The following EIF2AK4 variants were observed in gnomAD, a reference collection of about 807,000 sequenced individuals.
EIF2AK4 encodes the protein eukaryotic translation initiation factor 2 alpha kinase 4, also known as eIF-2-alpha kinase GCN2.
EIF2AK4 carries 139 observed loss-of-function variants against 211.1 expected under a neutral mutation model. The ratio of observed to expected loss-of-function variants is 0.66; its 90% CI spans 0.57 to 0.76. The LOEUF is 0.76. EIF2AK4 is among the 30% of genes least tolerant of loss of function. EIF2AK4 has a pLI of 0.00. For synonymous variants in EIF2AK4, 710 were observed against 751.3 expected (o/e 0.94, Z 0.90); for missense variants, 1,664 against 2,043.8 (o/e 0.81, Z 3.58).
In EIF2AK4 at chr15:40,026,045, A is replaced by G. The variant is rs186453605; in HGVS notation, c.4458A>G (p.Val1486=). 12 of 1,614,214 alleles carry G rather than the reference A, an allele frequency of 7.4e-6. No homozygotes were observed. Among genetic ancestry groups the G allele is most frequent in the Non-Finnish European group, 8.5e-7 (1 of 1,180,036 alleles). Residue 1486 remains valine (V), a synonymous_variant, in exon 33 of 39, where the codon GTA becomes GTG. Coordinates refer to ENST00000263791, the MANE Select transcript of EIF2AK4 (RefSeq NM_001013703.4). The part of the protein sequence containing the change: ...RVLETELVDH[V]LQKLRTKVTD... The stretch of plus-strand genomic sequence containing the variant: ...TGGAGACTGAACTTGTGGACCATGT[A>G]CTGCAGAAACTGAGGACTAAAGTCA...
At chr15:39,990,218 G>C (rs2140927236) in intron 15 of EIF2AK4, 55 bp from the exon 16 acceptor site, 1 of 1,543,278 alleles carries the variant, frequency 6.5e-7, no homozygotes, top group East Asian at 2.2e-5. Flanking sequence ...TTAGGAAGTA[G>C]GTATAACTTT....
intron 35 of EIF2AK4, 128 bp from the exon 36 acceptor site, chr15:40,032,041 G>T: frequency 1.2e-6 from 1 of 845,960 alleles, no homozygotes; most frequent in Non-Finnish European, 2.0e-6. Context: ...CAAACCTTTA[G>T]ACACCATTTG....
At chr15:39,999,491 T>C (rs911426127) in intron 20 of EIF2AK4, among the ~76,000 whole-genome samples, 3 of 152,202 alleles carry the variant, frequency 2.0e-5, no homozygotes, top group Admixed American at 6.5e-5. Context: ...AAATCATTAA[T>C]GTTGAGAACA....
intron 27 of EIF2AK4, among the ~76,000 whole-genome samples, chr15:40,012,266 AC>A (rs1461349072): frequency 1.2e-4 from 19 of 152,204 alleles, no homozygotes; most frequent in Admixed American, 1.1e-3. Flanking sequence ...GGGGATATGC[AC>A]AGCATGTATC....
intron 24 of EIF2AK4, among the ~76,000 whole-genome samples, chr15:40,007,281 G>C (rs1010834621): frequency 1.3e-5 from 2 of 152,280 alleles, no homozygotes; most frequent in African/African-American, 4.8e-5. Context: ...GGTAGGTACC[G>C]TCATGTTCCC....
At chr15:40,018,547 C>T (rs1234948933) in intron 29 of EIF2AK4, among the ~76,000 whole-genome samples, 1 of 152,070 alleles carries the variant, frequency 6.6e-6, no homozygotes, top group East Asian at 1.9e-4. Context: ...ATCTCACACT[C>T]CTGGCTGCAA....
intron 24 of EIF2AK4, among the ~76,000 whole-genome samples, chr15:40,007,823 A>T (rs2140937688): frequency 6.6e-6 from 1 of 152,304 alleles, no homozygotes; most frequent in South Asian, 2.1e-4. Context: ...CTTAAGCCCC[A>T]TAGCTTAATA....
At chr15:40,001,295 G>C in intron 21 of EIF2AK4, 71 bp downstream of exon 21, 2 of 1,488,154 alleles carry the variant, frequency 1.3e-6, no homozygotes, top group Non-Finnish European at 1.9e-6. Context: ...GTTTCTCACA[G>C]ATTCTTTTAA....
intron 15 of EIF2AK4, among the ~76,000 whole-genome samples, chr15:39,989,077 C>T (rs1166218892): frequency 1.1e-4 from 16 of 152,158 alleles, no homozygotes; most frequent in Admixed American, 9.8e-4. Context: ...GAATTAGTGC[C>T]ACCCTTCCTA....
chr15:39,942,300 A>G (rs1420676794), intron 2 of EIF2AK4, among the ~76,000 whole-genome samples: 1 of 152,132 alleles, frequency 6.6e-6, no homozygotes, highest in East Asian at 1.9e-4. Flanking sequence ...GAGGAATTCT[A>G]GAAATTTCAG....
chr15:40,020,165 C>CA (rs34522012), intron 30 of EIF2AK4, among the ~76,000 whole-genome samples: 84,051 of 132,076 alleles, frequency 0.64, 25,599 homozygotes, highest in Admixed American at 0.71. Flanking sequence ...CAGACCCTGT[C>CA]AAAAAAAAAA....
chr15:39,985,895 T>C lies in EIF2AK4; in HGVS notation c.2403+7T>C. Reference sequence around the variant, plus strand: ...GCACTACCTATACATCCAGGTGAGGTCGTGGTGTGTAGTTAGGTGACACAG... The same window carrying C: ...GCACTACCTATACATCCAGGTGAGGCCGTGGTGTGTAGTTAGGTGACACAG... On this transcript the variant is annotated splice_region_variant and intron_variant, in intron 14 of 38. Transcript: ENST00000263791. 1 of 1,613,424 alleles carries C rather than the reference T, an allele frequency of 6.2e-7. No individual in the cohort carries two copies. Among genetic ancestry groups the C allele is most frequent in the Non-Finnish European group, 8.5e-7 (1 of 1,179,700 alleles).
chr15:39,997,628 C>T (rs1013449537), intron 19 of EIF2AK4, among the ~76,000 whole-genome samples: 2 of 152,146 alleles, frequency 1.3e-5, no homozygotes, highest in African/African-American at 2.4e-5. Flanking sequence ...GTTGTAGTAA[C>T]GTCTAAAGAA....
chr15:39,937,808 A>C (rs577312542), intron 1 of EIF2AK4, among the ~76,000 whole-genome samples: 1 of 152,326 alleles, frequency 6.6e-6, no homozygotes, highest in East Asian at 1.9e-4. Context: ...AGGCAGCTAG[A>C]CAAATATAGG....
chr15:39,997,178 C>A, intron 19 of EIF2AK4, 113 bp downstream of exon 19: 1 of 757,782 alleles, frequency 1.3e-6, no homozygotes, highest in East Asian at 2.6e-5. Flanking sequence ...AGAGGCTGCC[C>A]TACTGTAATT....
chr15:39,945,002 A>C (rs1232180466), intron 3 of EIF2AK4, among the ~76,000 whole-genome samples: 1 of 152,104 alleles, frequency 6.6e-6, no homozygotes, highest in African/African-American at 2.4e-5. Context: ...TGGATAAAAA[A>C]CTAGGCCTTG....
chr15:39,967,916 C>T (rs2034567983), intron 9 of EIF2AK4, 37 bp downstream of exon 9: 4 of 1,595,854 alleles, frequency 2.5e-6, no homozygotes, highest in African/African-American at 1.3e-5. Context: ...TAGCACTTTA[C>T]TCCTGTACTT....
rs146381747 is a variant in EIF2AK4, at chr15:39,966,188, G to A, written c.1017+345G>A. Among the ~76,000 whole-genome samples, 6 of 152,184 alleles carry A rather than the reference G, an allele frequency of 3.9e-5. No individual in the cohort carries two copies. In the East Asian group the frequency reaches 7.7e-4, roughly 20 times the overall value. ...CCCTACTCTTGAAATATTGCTTCAG[G>A]GCTGGGTGTAGTGACTCATACCTGT... On this transcript the variant is annotated intron_variant, in intron 8 of 38. Coordinates refer to ENST00000263791, the MANE Select transcript of EIF2AK4 (RefSeq NM_001013703.4).
At chr15:39,974,404 T>C (rs2034665802) in intron 11 of EIF2AK4, 1 of 152,242 alleles carries the variant, frequency 6.6e-6, no homozygotes. Flanking sequence ...CATGTCATCT[T>C]TCACATATGA....
Sources: allele counts gnomAD v4.1 joint callset (sites outside exome capture counted in the v4.1 genomes callset), GRCh38; gene constraint gnomAD v4.1.1; transcripts MANE v1.5; gene names NCBI Gene and HGNC (gene_info 2026-07-23, HGNC 2026-07-21).